PDE10A: variants seen among roughly 807,000 people sequenced by gnomAD.
The protein encoded by PDE10A is cAMP and cAMP-inhibited cGMP 3',5'-cyclic phosphodiesterase 10A.
PDE10A carries 39 observed loss-of-function variants against 97.7 expected under a neutral mutation model. That is an observed-to-expected ratio of 0.40 (90% CI 0.31 to 0.52). The LOEUF is 0.52. Among genes scored for constraint, PDE10A ranks in the 20% least tolerant of loss-of-function variants. The pLI is 0.56. For missense variants in PDE10A, 731 were observed against 1,047.8 expected, an observed-to-expected ratio of 0.70 and a Z score of 4.17; for synonymous variants, 371 against 376.8, an observed-to-expected ratio of 0.98 and a Z score of 0.18.
At chr6:165,635,055 A>C (rs1261312782) in intron 1 of PDE10A, among the ~76,000 whole-genome samples, 4 of 152,120 alleles carry the variant, frequency 2.6e-5, no homozygotes, top group African/African-American at 9.7e-5. Flanking sequence ...CTTAATCAAT[A>C]ATTAAGAGGG....
Position 165,789,418 on chromosome 6 carries a change from C to T in PDE10A, c.-615+198111G>A, listed in dbSNP as rs1778584959. On this transcript the variant is annotated intron_variant, in intron 1 of 19. Coordinates refer to the PDE10A transcript ENST00000366882. ...AGCATAATTTTAACTCACATTTAGC[C>T]TTAAAACCATCTGTGAAGCCTATAC... 3.3e-5 allele frequency among the ~76,000 whole-genome samples: 5 copies of T among 152,170 alleles called. No individual in the cohort carries two copies. In the South Asian group the frequency reaches 1.0e-3, roughly 32 times the overall value.
rs572605798 is a variant in PDE10A at position 165,680,802 on chromosome 6, C to T, written c.-614-137234G>A. On this transcript the variant is annotated intron_variant, in intron 1 of 19. Coordinates refer to the PDE10A transcript ENST00000366882. ...ACCTGTAATCCCAGCTACTATCGCT[C>T]GAACCCTGAAGGCGGAGGTTGCAGG... is the stretch of plus-strand genomic sequence containing the variant. 4.6e-5 allele frequency among the ~76,000 whole-genome samples: 7 copies of T among 152,202 alleles called. No homozygotes were observed. In the East Asian group the frequency reaches 5.8e-4, roughly 13 times the overall value.
intron 1 of PDE10A, among the ~76,000 whole-genome samples, chr6:165,585,834 T>C (rs954365923): frequency 6.6e-6 from 1 of 152,172 alleles, no homozygotes; most frequent in South Asian, 2.1e-4. Context: ...AATGCGAGCC[T>C]GTTGTAAATT....
chr6:165,468,030 C>T (rs1416746533), intron 3 of PDE10A, among the ~76,000 whole-genome samples: 1 of 152,176 alleles, frequency 6.6e-6, no homozygotes, highest in Non-Finnish European at 1.5e-5. Flanking sequence ...AACTTGCCGA[C>T]AGCTCAGATA....
At chr6:165,537,484 T>G (rs1783160576) in intron 2 of PDE10A, among the ~76,000 whole-genome samples, 1 of 152,048 alleles carries the variant, frequency 6.6e-6, no homozygotes, top group African/African-American at 2.4e-5. Context: ...ATTTGATTAT[T>G]ACATTGTATG....
intron 1 of PDE10A, among the ~76,000 whole-genome samples, chr6:165,823,519 T>TA (rs1170836961): frequency 3.7e-5 from 3 of 81,602 alleles, no homozygotes; most frequent in Non-Finnish European, 9.9e-5. Flanking sequence ...TATATATATA[T>TA]ATATATGAAC....
chr6:165,482,529 T>C (rs1562508425), intron 2 of PDE10A, among the ~76,000 whole-genome samples, 186 bp from the exon 3 acceptor site: 1 of 152,222 alleles, frequency 6.6e-6, no homozygotes, highest in Admixed American at 6.5e-5. Context: ...TTAAGAAGTA[T>C]ACATTAATTT....
At chr6:165,975,431 C>T (rs531328614) in intron 1 of PDE10A, among the ~76,000 whole-genome samples, 4 of 152,244 alleles carry the variant, frequency 2.6e-5, no homozygotes, top group Middle Eastern at 3.4e-3. Flanking sequence ...ATAGCGAGAC[C>T]TCATCTCTAT....
intron 2 of PDE10A, among the ~76,000 whole-genome samples, chr6:165,538,230 C>A (rs1321146578): frequency 6.6e-6 from 1 of 151,990 alleles, no homozygotes; most frequent in Non-Finnish European, 1.5e-5. Flanking sequence ...AAAACATATA[C>A]TAACTACATT....
At chr6:165,707,594 G>C (rs950094412) in intron 1 of PDE10A, among the ~76,000 whole-genome samples, 5 of 152,044 alleles carry the variant, frequency 3.3e-5, no homozygotes, top group Non-Finnish European at 7.4e-5. Context: ...GTGTGTGTGA[G>C]TGTGTGACAG....
At position 165,938,242 on chromosome 6, in the gene PDE10A, G is replaced by A. The variant is rs187738920; in HGVS notation, c.-615+49287C>T. Among the ~76,000 whole-genome samples, 270 of 152,350 alleles carry A rather than the reference G, an allele frequency of 1.8e-3. 4 individuals are homozygous for A. The highest frequency in any genetic ancestry group is 6.2e-3 in the African/African-American group (258 of 41,586). ...ACAGAGCAGCTTGTGGGCAACCAGA[G>A]CAGCTCTGTCACCAGAAGCAAACAC... On this transcript the variant is annotated intron_variant, in intron 1 of 19. Coordinates refer to the PDE10A transcript ENST00000366882.
intron 1 of PDE10A, among the ~76,000 whole-genome samples, chr6:165,712,349 C>T (rs1791915781): frequency 6.6e-6 from 1 of 151,958 alleles, no homozygotes. Context: ...CGGCTTGCTG[C>T]CTGCTCCCCT....
Position 165,951,564 on chromosome 6 carries a change from T to A in PDE10A, c.-615+35965A>T, listed in dbSNP as rs114600849. 7.5e-3 allele frequency among the ~76,000 whole-genome samples: 1,142 copies of A among 152,208 alleles called. 10 individuals are homozygous for A. The highest frequency in any genetic ancestry group is 0.025 in the African/African-American group (1,059 of 41,536). Reference sequence around the variant, plus strand: ...AGCTTCTTCTGCACCACTCACGACGTAGGGTGAACTTCCAATGGGACCCTT... The same window carrying A: ...AGCTTCTTCTGCACCACTCACGACGAAGGGTGAACTTCCAATGGGACCCTT... On this transcript the variant is annotated intron_variant, in intron 1 of 19. Coordinates refer to the PDE10A transcript ENST00000366882.
At chr6:165,575,388 T>C (rs996477572) in intron 1 of PDE10A, among the ~76,000 whole-genome samples, 2 of 152,196 alleles carry the variant, frequency 1.3e-5, no homozygotes, top group African/African-American at 4.8e-5. Context: ...TGACCTAGCC[T>C]TTTGTTACTC....
intron 1 of PDE10A, among the ~76,000 whole-genome samples, chr6:165,973,097 C>A (rs1399559213): frequency 1.3e-5 from 2 of 151,924 alleles, no homozygotes; most frequent in Non-Finnish European, 2.9e-5. Flanking sequence ...CTCCATAATT[C>A]AAAAAAATAC....
At chr6:165,958,537 GAA>G (rs1218068382) in intron 1 of PDE10A, among the ~76,000 whole-genome samples, 4 of 16,780 alleles carry the variant, frequency 2.4e-4, no homozygotes, top group Non-Finnish European at 6.4e-4. Context: ...AAGAAAGAAA[GAA>G]AGAAAGAAAG....
intron 1 of PDE10A, among the ~76,000 whole-genome samples, chr6:165,791,149 A>G (rs980565913): frequency 2.0e-5 from 3 of 151,666 alleles, no homozygotes; most frequent in African/African-American, 7.3e-5. Flanking sequence ...GGGTCTCACT[A>G]TGTTGTCCAG....
intron 18 of PDE10A, among the ~76,000 whole-genome samples, chr6:165,346,563 G>A (rs1376919013): frequency 2.0e-5 from 3 of 152,152 alleles, no homozygotes; most frequent in Non-Finnish European, 4.4e-5. Context: ...TGCCTGCTAA[G>A]TGCCATCCTA....
In PDE10A at chr6:165,430,177, G is replaced by A. The variant is rs192351526; in HGVS notation, c.1601+110C>T. On this transcript the variant is annotated intron_variant, in intron 9 of 21. Transcript: ENST00000539869. ...CCGTTCCCAGACTACTTGTAAAGACGGATCTTCAGTTATCAGCTGCAATAG... is the reference window on the plus strand; with the variant it reads ...CCGTTCCCAGACTACTTGTAAAGACAGATCTTCAGTTATCAGCTGCAATAG... 131 of 703,272 alleles carry A rather than the reference G, an allele frequency of 1.9e-4. 1 individual carries two copies. The highest frequency in any genetic ancestry group is 9.3e-4 in the African/African-American group (52 of 55,886). The allele number at this position is 703,272 out of a possible 1,614,324, so 43.6% of individuals were successfully genotyped here.
Sources: gnomAD v4.1 joint callset for allele counts (sites outside exome capture counted in the v4.1 genomes callset) on GRCh38, gnomAD v4.1.1 for gene constraint, MANE v1.5 for transcripts, NCBI Gene and HGNC (gene_info 2026-07-23, HGNC 2026-07-21) for gene names.